The following IQUB variants were observed in gnomAD, a reference collection of about 807,000 sequenced individuals.
IQUB encodes the protein IQ motif and ubiquitin domain containing.
Under a neutral mutation model 86.4 loss-of-function variants are expected in IQUB, and 86 were observed. That is an observed-to-expected ratio of 1.00 (90% CI 0.84 to 1.19). The LOEUF (loss-of-function observed/expected upper bound fraction) is 1.19, where lower values mean the gene tolerates loss of function less well. Ranked by LOEUF, IQUB falls within the 50% of genes most tolerant of loss-of-function variation. The probability of loss-of-function intolerance (pLI) is 0.00; values close to 1 mark genes in which losing one functional copy is unlikely to be tolerated. For synonymous variants in IQUB, 289 were observed against 304.5 expected (o/e 0.95, Z 0.53); for missense variants, 946 against 916.9 (o/e 1.03, Z -0.41).
chr7:123,527,385 G>A (rs557174097), intron 1 of IQUB, among the ~76,000 whole-genome samples: 5 of 152,260 alleles, frequency 3.3e-5, no homozygotes, highest in Non-Finnish European at 7.4e-5. Flanking sequence ...GAGGAGGAGA[G>A]GCACTCTGCT....
At chr7:123,458,616 T>C (rs1446673268) in intron 11 of IQUB, among the ~76,000 whole-genome samples, 1 of 152,004 alleles carries the variant, frequency 6.6e-6, no homozygotes, top group Non-Finnish European at 1.5e-5. Flanking sequence ...AAAATGCATC[T>C]TGTTTACATT....
At chr7:123,520,770 T>C (rs560226028) in intron 1 of IQUB, among the ~76,000 whole-genome samples, 2 of 151,974 alleles carry the variant, frequency 1.3e-5, no homozygotes, top group Middle Eastern at 6.8e-3. Flanking sequence ...TGACATGAGG[T>C]GAAATGGACC....
In IQUB at chr7:123,503,068, A is replaced by T. The variant is rs375037362; in HGVS notation, c.743T>A (p.Phe248Tyr). The T allele has an allele frequency of 7.4e-6, 12 of 1,613,436 alleles. No individual in the cohort carries two copies. The highest frequency in any genetic ancestry group is 9.3e-6 in the Non-Finnish European group (11 of 1,179,742). The change falls in exon 5 of 13, where the codon TTT becomes TAT. Residue 248 changes from phenylalanine (F) to tyrosine (Y), a missense_variant. Coordinates refer to ENST00000324698, the MANE Select transcript of IQUB (RefSeq NM_178827.5). ...QVPVEIVKSD[F>Y]HKPFLGGFRH... ...GAATCCACCAAGAAATGGTTTGTGA[A>T]AGTCAGATTTGACAATCTCAACAGG...
chr7:123,462,958 G>A, intron 10 of IQUB: 1 of 343,662 alleles, frequency 2.9e-6, no homozygotes, highest in Admixed American at 3.2e-5. Context: ...AGTGGTTGTG[G>A]GGGTAGTGGT....
At chr7:123,521,675 C>CACACACACAT (rs1488217939) in intron 1 of IQUB, among the ~76,000 whole-genome samples, 1 of 151,094 alleles carries the variant, frequency 6.6e-6, no homozygotes, top group Non-Finnish European at 1.5e-5. Flanking sequence ...CACACACACA[C>CACACACACAT]ACACACAGAG....
At chr7:123,478,578 A>G (rs1483301938) in intron 8 of IQUB, among the ~76,000 whole-genome samples, 1 of 152,168 alleles carries the variant, frequency 6.6e-6, no homozygotes, top group Non-Finnish European at 1.5e-5. Flanking sequence ...AATAAAAAAA[A>G]GAAACAATGT....
intron 3 of IQUB, among the ~76,000 whole-genome samples, chr7:123,508,696 C>T (rs1388831781): frequency 6.6e-6 from 1 of 152,284 alleles, no homozygotes; most frequent in Non-Finnish European, 1.5e-5. Flanking sequence ...TGAACTTCAC[C>T]TTATAGTTAA....
At position 123,489,702 on chromosome 7, in the gene IQUB, C is replaced by T. The variant is rs377045356; in HGVS notation, c.1234+6994G>A. ...AAAAAGATACATATGAAGAAACTGTCCCAAAAGCAGCAAAAAAAAACATAA... is the reference window on the plus strand; with the variant it reads ...AAAAAGATACATATGAAGAAACTGTTCCAAAAGCAGCAAAAAAAAACATAA... On this transcript the variant is annotated intron_variant, in intron 7 of 12. Coordinates refer to ENST00000324698, the MANE Select transcript of IQUB (RefSeq NM_178827.5). Among the ~76,000 whole-genome samples, 7 of 150,870 alleles carry T rather than the reference C, an allele frequency of 4.6e-5. No homozygotes were observed. In the East Asian group the frequency reaches 1.4e-3, roughly 29 times the overall value.
At chr7:123,486,141 A>C (rs554069390) in intron 7 of IQUB, among the ~76,000 whole-genome samples, 9 of 152,168 alleles carry the variant, frequency 5.9e-5, no homozygotes, top group Non-Finnish European at 1.3e-4. Context: ...CGTTAGACTG[A>C]TATTTTTGAT....
chr7:123,522,033 A>G (rs1471502094), intron 1 of IQUB, among the ~76,000 whole-genome samples: 1 of 152,132 alleles, frequency 6.6e-6, no homozygotes, highest in African/African-American at 2.4e-5. Context: ...GCAATCGGCC[A>G]TGGGTCTTGA....
At chr7:123,532,126 G>A (rs1426492121) in intron 1 of IQUB, among the ~76,000 whole-genome samples, 1 of 152,150 alleles carries the variant, frequency 6.6e-6, no homozygotes, top group African/African-American at 2.4e-5. Context: ...GCAGAGGCAG[G>A]ATTTGAACCC....
At position 123,453,769 on chromosome 7, in the gene IQUB, T is replaced by C. The variant is rs191559526; in HGVS notation, c.2194-844A>G. Among the ~76,000 whole-genome samples the C allele has an allele frequency of 5.5e-3, 833 of 152,312 alleles. 8 individuals are homozygous for C. Among genetic ancestry groups the C allele is most frequent in the African/African-American group, 0.019 (801 of 41,580 alleles). On this transcript the variant is annotated intron_variant, in intron 12 of 12. Transcript: ENST00000324698. ...TTAAATCATTATAAATTGCTTTTTC[T>C]GTTCTTGTAGCTGAACCTAAATGCA...
In IQUB at chr7:123,503,101, T is replaced by A; in HGVS notation, c.710A>T (p.Gln237Leu). Reference protein sequence around the residue: ...VTVQTGLDQYQQVPVEIVKSD... With the variant: ...VTVQTGLDQYLQVPVEIVKSD... ...TTTGACAATCTCAACAGGTACCTGC[T>A]GGTATTGATCAAGTCCTGAGAGATA... The change falls in exon 5 of 13, where the codon CAG becomes CTG. Residue 237 changes from glutamine (Q) to leucine (L), a missense_variant. Transcript: ENST00000324698. 1 of 1,612,896 alleles carries A rather than the reference T, an allele frequency of 6.2e-7. No individual in the cohort carries two copies. The highest frequency in any genetic ancestry group is 8.5e-7 in the Non-Finnish European group (1 of 1,179,518).
chr7:123,524,330 C>T (rs1008367734), intron 1 of IQUB, among the ~76,000 whole-genome samples: 1 of 145,466 alleles, frequency 6.9e-6, no homozygotes, highest in Admixed American at 6.9e-5. Flanking sequence ...TTCTTCCTAC[C>T]CATGAGCATG....
At chr7:123,493,524 C>T (rs1795565785) in intron 7 of IQUB, among the ~76,000 whole-genome samples, 2 of 152,056 alleles carry the variant, frequency 1.3e-5, no homozygotes, top group Admixed American at 1.3e-4. Context: ...TGATAGCACC[C>T]TCCAGAAGGG....
At chr7:123,480,227 C>G (rs1263497321) in intron 7 of IQUB, among the ~76,000 whole-genome samples, 3 of 152,106 alleles carry the variant, frequency 2.0e-5, no homozygotes, top group African/African-American at 4.8e-5. Context: ...AGTGAGCATT[C>G]ATACTGCCTA....
At chr7:123,515,658 AT>A (rs1344988798) in intron 1 of IQUB, among the ~76,000 whole-genome samples, 5 of 152,194 alleles carry the variant, frequency 3.3e-5, no homozygotes, top group Non-Finnish European at 1.5e-5. Flanking sequence ...GCTCAATATC[AT>A]TACTCATTAT....
At chr7:123,516,591 A>T (rs1796646430) in intron 1 of IQUB, among the ~76,000 whole-genome samples, 1 of 152,176 alleles carries the variant, frequency 6.6e-6, no homozygotes. Context: ...ATAAGAATAT[A>T]TATTCATGTT....
In IQUB at chr7:123,495,808, T is replaced by C. The variant is rs989800679; in HGVS notation, c.1234+888A>G. 6.1e-4 allele frequency among the ~76,000 whole-genome samples: 93 copies of C among 152,262 alleles called. 1 individual carries two copies. Among genetic ancestry groups the C allele is most frequent in the African/African-American group, 2.1e-3 (89 of 41,562 alleles). On this transcript the variant is annotated intron_variant, in intron 7 of 12. Transcript: ENST00000324698. ...CATTCATTCATTCATTTTATGAACA[T>C]TTGTTGGGCATATGAGCTAAGCACA...
Sources: allele counts gnomAD v4.1 joint callset (sites outside exome capture counted in the v4.1 genomes callset), GRCh38; gene constraint gnomAD v4.1.1; transcripts MANE v1.5; gene names NCBI Gene and HGNC (gene_info 2026-07-23, HGNC 2026-07-21).